Variants in LINC00237 observed in about 807,000 individuals in gnomAD.
LINC00237 encodes the protein long intergenic non-protein coding RNA 237.
At chr20:21,088,942 A>G (rs1433630679) in intron 2 of LINC00237, among the ~76,000 whole-genome samples, 1 of 152,026 alleles carries the variant, frequency 6.6e-6, no homozygotes, top group Non-Finnish European at 1.5e-5. Flanking sequence ...TAACCCATGC[A>G]CAGAGAACCC....
chr20:21,090,827 A>C (rs1239980632), intron 2 of LINC00237, among the ~76,000 whole-genome samples: 1 of 152,086 alleles, frequency 6.6e-6, no homozygotes, highest in Non-Finnish European at 1.5e-5. Flanking sequence ...TCTGGGACTG[A>C]ATTGTTTACA....
chr20:21,101,169 G>A lies in LINC00237; in HGVS notation n.88+5102C>T, dbSNP rs1040402038. 2.6e-5 allele frequency among the ~76,000 whole-genome samples: 4 copies of A among 152,218 alleles called. No individual in the cohort carries two copies. The highest frequency in any genetic ancestry group is 9.6e-5 in the African/African-American group (4 of 41,464). On this transcript the variant is annotated intron_variant and non_coding_transcript_variant, in intron 1 of 3. Coordinates refer to ENST00000691244, the Ensembl canonical transcript of LINC00237. The surrounding 1 kb of genome is among the most constrained non-coding windows in gnomAD (Gnocchi z 4.3). ...GGGATGGGGAAATTACTTGATTAGC[G>A]TCCATCGGAGGAGAACACGGTTACA...
chr20:21,102,705 A>AG (rs2030947961), intron 1 of LINC00237, among the ~76,000 whole-genome samples: 1 of 151,686 alleles, frequency 6.6e-6, no homozygotes, highest in Non-Finnish European at 1.5e-5. Flanking sequence ...AGAAAAAAAA[A>AG]AAAAAAAAGG....
chr20:21,105,983 C>A (rs1389304982), intron 1 of LINC00237, among the ~76,000 whole-genome samples: 1 of 152,100 alleles, frequency 6.6e-6, no homozygotes, highest in Non-Finnish European at 1.5e-5. Flanking sequence ...GGGATGGGAT[C>A]CAGAGAGAGA....
At chr20:21,103,397 T>A (rs1377388722) in intron 1 of LINC00237, among the ~76,000 whole-genome samples, 1 of 152,150 alleles carries the variant, frequency 6.6e-6, no homozygotes, top group Non-Finnish European at 1.5e-5. Flanking sequence ...GGCAGGGCTG[T>A]CCCTACCAAT....
intron 2 of LINC00237, among the ~76,000 whole-genome samples, chr20:21,088,610 A>G (rs56720756): frequency 0.033 from 4,941 of 151,986 alleles, 267 homozygotes; most frequent in African/African-American, 0.11. Flanking sequence ...ATAGCCTAAC[A>G]CAGCATAACT....
At chr20:21,086,403 T>C (rs1237932562) in intron 3 of LINC00237, among the ~76,000 whole-genome samples, 1 of 151,542 alleles carries the variant, frequency 6.6e-6, no homozygotes, top group Non-Finnish European at 1.5e-5. Context: ...CCAGAGGTGA[T>C]CATGGCTTGT....
chr20:21,098,526 A>G (rs912372875), intron 1 of LINC00237, among the ~76,000 whole-genome samples: 1 of 152,218 alleles, frequency 6.6e-6, no homozygotes, highest in South Asian at 2.1e-4. Context: ...GTAAAGTTGT[A>G]TATTTAAACC....
At chr20:21,088,847 G>A (rs959486494) in intron 2 of LINC00237, among the ~76,000 whole-genome samples, 6 of 151,774 alleles carry the variant, frequency 4.0e-5, no homozygotes, top group African/African-American at 1.5e-4. Context: ...ATACATAAAA[G>A]CTTTTCCAAA....
intron 2 of LINC00237, chr20:21,092,784 T>A (rs2030809551): frequency 6.6e-6 from 1 of 152,228 alleles, no homozygotes; most frequent in Admixed American, 6.5e-5. Flanking sequence ...GATGATCAGA[T>A]GGCAACTAAC....
chr20:21,089,960 G>T (rs941531744), intron 2 of LINC00237: 7 of 152,164 alleles, frequency 4.6e-5, no homozygotes, highest in South Asian at 2.1e-4. Flanking sequence ...ATGAAATACA[G>T]CAATACAAAA....
At chr20:21,096,705 G>A (rs2030862882) in intron 1 of LINC00237, among the ~76,000 whole-genome samples, 1 of 152,172 alleles carries the variant, frequency 6.6e-6, no homozygotes, top group Non-Finnish European at 1.5e-5. Context: ...ATGTCATGCT[G>A]AAGAGTCTGG....
intron 1 of LINC00237, among the ~76,000 whole-genome samples, chr20:21,104,160 T>C (rs932709247): frequency 4.6e-5 from 7 of 152,208 alleles, no homozygotes; most frequent in African/African-American, 1.4e-4. Flanking sequence ...GTGTGGTACC[T>C]TTGGGAGAAA....
chr20:21,099,278 C>A (rs2030899202), intron 1 of LINC00237, among the ~76,000 whole-genome samples: 3 of 152,158 alleles, frequency 2.0e-5, no homozygotes, highest in Admixed American at 1.3e-4. Flanking sequence ...AAATAATTTA[C>A]CCTGCTTTCT....
intron 1 of LINC00237, among the ~76,000 whole-genome samples, chr20:21,103,463 A>G (rs779489850): frequency 7.7e-4 from 118 of 152,302 alleles, no homozygotes; most frequent in East Asian, 5.8e-4. Context: ...CCCGGTGCCC[A>G]TCATATTGCC....
intron 1 of LINC00237, among the ~76,000 whole-genome samples, chr20:21,100,347 C>A (rs1027662004): frequency 2.0e-5 from 3 of 152,190 alleles, no homozygotes; most frequent in Non-Finnish European, 4.4e-5. Flanking sequence ...AAAACATTGG[C>A]TTGTAGACGG....
At chr20:21,089,221 A>G (rs1389758343) in intron 2 of LINC00237, among the ~76,000 whole-genome samples, 1 of 151,268 alleles carries the variant, frequency 6.6e-6, no homozygotes, top group Non-Finnish European at 1.5e-5. Context: ...TGTATTATTT[A>G]TCTATATTTT....
At chr20:21,098,809 C>T (rs746430731) in intron 1 of LINC00237, among the ~76,000 whole-genome samples, 3 of 152,208 alleles carry the variant, frequency 2.0e-5, no homozygotes, top group Non-Finnish European at 4.4e-5. Context: ...GGGTGCAGAA[C>T]AATTCCAGGG....
chr20:21,086,607 GTATATATAGTATAC>G (rs1437442208), intron 3 of LINC00237, among the ~76,000 whole-genome samples: 19 of 46,942 alleles, frequency 4.0e-4, no homozygotes, highest in African/African-American at 1.2e-3. Flanking sequence ...GTATATATAT[GTATATATAGTATAC>G]TATATATAGT....
Sources: gnomAD v4.1 joint callset for allele counts (sites outside exome capture counted in the v4.1 genomes callset) on GRCh38, gnomAD v4.1.1 for gene constraint, Gnocchi (gnomAD v3.1) non-coding constraint, MANE v1.5 for transcripts, NCBI Gene and HGNC (gene_info 2026-07-23, HGNC 2026-07-21) for gene names.